The following SCN1A variants were observed in gnomAD, a reference collection of about 807,000 sequenced individuals.
SCN1A encodes the protein sodium voltage-gated channel alpha subunit 1, also known as sodium channel protein type 1 subunit alpha.
In SCN1A, 13 loss-of-function variants were observed where a neutral mutation model predicts 193.7. The observed-to-expected ratio is 0.07, with a 90% CI of 0.04 to 0.11. The LOEUF (loss-of-function observed/expected upper bound fraction) is 0.11. Ranked by LOEUF, SCN1A falls within the 10% of genes least tolerant of loss-of-function variation. The pLI is 1.00. For missense variants in SCN1A, 1,432 were observed against 2,451.1 expected (o/e 0.58, Z 8.78); for synonymous variants, 781 against 843.6 (o/e 0.93, Z 1.29).
chr2:166,015,150 A>G (rs969163109), intron 20 of SCN1A, among the ~76,000 whole-genome samples: 6 of 151,868 alleles, frequency 4.0e-5, no homozygotes, highest in East Asian at 1.9e-4. Context: ...CTGTTTAGGT[A>G]TAGAGTTTCT....
intron 17 of SCN1A, among the ~76,000 whole-genome samples, chr2:166,038,601 G>A (rs1046795800): frequency 1.3e-5 from 2 of 152,106 alleles, no homozygotes; most frequent in South Asian, 2.1e-4. Flanking sequence ...GTCTCCCAAA[G>A]TGCTAGGATT....
intron 4 of SCN1A, among the ~76,000 whole-genome samples, chr2:166,061,948 T>C (rs1215450056): frequency 1.3e-5 from 2 of 152,150 alleles, no homozygotes; most frequent in Non-Finnish European, 2.9e-5. Flanking sequence ...ATTTAAAGAA[T>C]GTGTAGAAGA....
At chr2:166,091,718 G>C (rs1182376028) in intron 2 of SCN1A, among the ~76,000 whole-genome samples, 1 of 152,158 alleles carries the variant, frequency 6.6e-6, no homozygotes, top group African/African-American at 2.4e-5. Context: ...CTTGAAAAAG[G>C]CAAATACTTT....
rs1688721419 is a variant in SCN1A, at chr2:165,988,100, C to T, written c.*3145G>A. 1 of 152,092 alleles carries T rather than the reference C, an allele frequency of 6.6e-6. No individual in the cohort carries two copies. The highest frequency in any genetic ancestry group is 2.4e-5 in the African/African-American group (1 of 41,414). The allele number at this position is 152,092 out of a possible 1,614,324, so 9.4% of individuals were successfully genotyped here. A position where few individuals can be genotyped will look rare whatever the true frequency, so the allele number is the denominator to read the frequency against. Reference sequence around the variant, plus strand: ...GATGACAAGGGAAGGCTTCTCGTTCCTCAGAAATTTAGATAGATTAATTTA... The same window carrying T: ...GATGACAAGGGAAGGCTTCTCGTTCTTCAGAAATTTAGATAGATTAATTTA... On this transcript the variant is annotated 3_prime_UTR_variant, in exon 29 of 29. Coordinates refer to ENST00000674923, the MANE Select transcript of SCN1A (RefSeq NM_001165963.4).
intron 11 of SCN1A, 111 bp from the exon 12 acceptor site, chr2:166,047,087 G>A (rs995416679): frequency 2.5e-6 from 3 of 1,215,366 alleles, no homozygotes; most frequent in Non-Finnish European, 2.4e-6. Flanking sequence ...TAGTAATTAT[G>A]TTGGTCATAG....
At chr2:166,021,381 C>T (rs1255265728) in intron 19 of SCN1A, among the ~76,000 whole-genome samples, 1 of 151,928 alleles carries the variant, frequency 6.6e-6, no homozygotes, top group Non-Finnish European at 1.5e-5. Flanking sequence ...GAAAAACAAA[C>T]AAAATAAAAT....
At chr2:166,064,417 T>C (rs1683629479) in intron 4 of SCN1A, among the ~76,000 whole-genome samples, 1 of 152,172 alleles carries the variant, frequency 6.6e-6, no homozygotes, top group Non-Finnish European at 1.5e-5. Context: ...TCACAAACCA[T>C]TGGCCAAATT....
intron 7 of SCN1A, among the ~76,000 whole-genome samples, chr2:166,053,999 A>G (rs1296756784): frequency 6.8e-6 from 1 of 146,172 alleles, no homozygotes; most frequent in African/African-American, 2.5e-5. Flanking sequence ...AGATGAAGAG[A>G]GCCATAAAAG....
At chr2:166,059,932 C>G (rs971139659) in intron 4 of SCN1A, among the ~76,000 whole-genome samples, 1 of 151,410 alleles carries the variant, frequency 6.6e-6, no homozygotes, top group African/African-American at 2.4e-5. Context: ...CCTAAACTGG[C>G]TGTGAAAGTA....
chr2:166,007,517 A>G (rs1173968660), intron 23 of SCN1A, among the ~76,000 whole-genome samples: 2 of 151,342 alleles, frequency 1.3e-5, no homozygotes, highest in Non-Finnish European at 3.0e-5. Flanking sequence ...ACATCAATTC[A>G]CTCAGTTTAA....
At chr2:166,096,375 C>T (rs376386072) in intron 2 of SCN1A, among the ~76,000 whole-genome samples, 2 of 152,130 alleles carry the variant, frequency 1.3e-5, no homozygotes, top group South Asian at 4.2e-4. Flanking sequence ...CTCCGCCTCC[C>T]TGGTTCAAAC....
chr2:166,101,585 AC>A (rs1688089984), intron 2 of SCN1A, among the ~76,000 whole-genome samples: 1 of 152,088 alleles, frequency 6.6e-6, no homozygotes, highest in Admixed American at 6.5e-5. Flanking sequence ...CACACATACG[AC>A]GTTCTGATCT....
At position 166,101,252 on chromosome 2, in the gene SCN1A, C is replaced by G. The variant is rs530882884; in HGVS notation, c.-141-23451G>C. On this transcript the variant is annotated intron_variant, in intron 2 of 28. Coordinates refer to ENST00000674923, the MANE Select transcript of SCN1A (RefSeq NM_001165963.4). ...GAAATCATCATTCTCTGTAAACTAT[C>G]GCAAGAACAAAAAACCAAACACCGC... Among the ~76,000 whole-genome samples the G allele has an allele frequency of 9.6e-3, 1,445 of 150,896 alleles. 18 individuals are homozygous for G. Among genetic ancestry groups the G allele is most frequent in the Middle Eastern group, 0.083 (24 of 290 alleles).
At chr2:166,053,341 G>A (rs1487548408) in intron 7 of SCN1A, among the ~76,000 whole-genome samples, 1 of 151,908 alleles carries the variant, frequency 6.6e-6, no homozygotes, top group African/African-American at 2.4e-5. Flanking sequence ...TTGTCACTCT[G>A]GAAAGCAATG....
intron 2 of SCN1A, among the ~76,000 whole-genome samples, chr2:166,119,276 A>G (rs997516389): frequency 3.3e-5 from 5 of 152,172 alleles, no homozygotes; most frequent in Non-Finnish European, 5.9e-5. Context: ...TCCTCAACAC[A>G]TATAATTTCA....
chr2:166,032,235 A>ACACACACAGATGCTCCTCAACTTACGATG (rs1491448427), intron 19 of SCN1A, among the ~76,000 whole-genome samples: 2 of 152,094 alleles, frequency 1.3e-5, no homozygotes, highest in African/African-American at 2.4e-5. Flanking sequence ...ACACACACAC[A>ACACACACAGATGCTCCTCAACTTACGATG]GAGACAGAGA....
At position 165,986,689 on chromosome 2, in the gene SCN1A, C is replaced by T. The variant is rs1216411445; in HGVS notation, c.*4556G>A. On this transcript the variant is annotated 3_prime_UTR_variant, in exon 29 of 29. Coordinates refer to ENST00000674923, the MANE Select transcript of SCN1A (RefSeq NM_001165963.4). The stretch of plus-strand genomic sequence containing the variant: ...CACGCAGACATAGGCACTTCAGTAA[C>T]ACACAGCAAAAAAAAAAAAAAAATC... The T allele has an allele frequency of 1.5e-4, 11 of 75,302 alleles. No individual in the cohort carries two copies. In the Admixed American group the frequency reaches 2.0e-3, roughly 14 times the overall value. 4.7% of individuals were successfully genotyped at this position (75,302 alleles called of 1,614,324 possible). A position where few individuals can be genotyped will look rare whatever the true frequency, so the allele number is the denominator to read the frequency against.
At chr2:165,994,979 A>G (rs1689820498) in intron 27 of SCN1A, among the ~76,000 whole-genome samples, 1 of 151,948 alleles carries the variant, frequency 6.6e-6, no homozygotes, top group African/African-American at 2.4e-5. Flanking sequence ...ATTGTCAGAC[A>G]CAGAATCCTG....
chr2:166,066,416 A>C (rs978034407), intron 4 of SCN1A, among the ~76,000 whole-genome samples: 2 of 152,296 alleles, frequency 1.3e-5, no homozygotes, highest in African/African-American at 4.8e-5. Context: ...TCAATGGAGA[A>C]GATTATACTA....
Sources: allele counts gnomAD v4.1 joint callset (sites outside exome capture counted in the v4.1 genomes callset), GRCh38; gene constraint gnomAD v4.1.1; transcripts MANE v1.5; gene names NCBI Gene and HGNC (gene_info 2026-07-23, HGNC 2026-07-21).